The following SSC5D variants were observed in gnomAD, a reference collection of about 807,000 sequenced individuals.
SSC5D encodes soluble scavenger receptor cysteine-rich domain-containing protein SSC5D.
A neutral mutation model predicts 104.6 loss-of-function variants in SSC5D; 106 were observed. The observed-to-expected ratio is 1.01, with a 90% CI of 0.87 to 1.19. The LOEUF (loss-of-function observed/expected upper bound fraction) is 1.19, where lower values mean the gene tolerates loss of function less well. SSC5D is among the 50% of genes most tolerant of loss of function. The probability of loss-of-function intolerance (pLI) is 0.00; values close to 1 mark genes in which losing one functional copy is unlikely to be tolerated. For missense variants in SSC5D, 1,993 were observed against 2,153.8 expected (o/e 0.93, Z 1.48); for synonymous variants, 860 against 883.5 (o/e 0.97, Z 0.47).
intron 3 of SSC5D, 51 bp downstream of exon 3, chr19:55,489,713 C>A: frequency 6.6e-7 from 1 of 1,514,900 alleles, no homozygotes; most frequent in South Asian, 1.2e-5. Flanking sequence ...GGAGATGACC[C>A]AGGAACCCCA....
chr19:55,500,401 C>G lies in SSC5D; in HGVS notation c.2291C>G (p.Thr764Ser), dbSNP rs1365819589. The G allele has an allele frequency of 2.6e-6, 4 of 1,550,614 alleles. No individual in the cohort carries two copies. The highest frequency in any genetic ancestry group is 2.6e-6 in the Non-Finnish European group (3 of 1,146,322). Residue 764 changes from threonine (T) to serine (S), a missense_variant, in exon 10 of 14, where the codon ACT becomes AGT. Coordinates refer to ENST00000389623, the MANE Select transcript of SSC5D (RefSeq NM_001144950.2). This position sits in a 1 kb window ranked among gnomAD's most constrained non-coding sequence, Gnocchi z 4.6. ...DPAPSPSVST[T>S]GESGLFRVRL... ...GCCCCCTCTCCCAGTGTTAGCACCA[C>G]TGGGGAATCAGGTGAGTGGCCGTGA...
At chr19:55,509,812 T>C (rs1390834547) in intron 12 of SSC5D, among the ~76,000 whole-genome samples, 8 of 120,688 alleles carry the variant, frequency 6.6e-5, no homozygotes. Flanking sequence ...TGAGCCGAGA[T>C]CTTGCCATTG....
Position 55,490,344 on chromosome 19 carries a change from C to A in SSC5D, c.522C>A (p.Ser174Arg). 2 of 1,499,774 alleles carry A rather than the reference C, an allele frequency of 1.3e-6. No homozygotes were observed. Among genetic ancestry groups the A allele is most frequent in the Non-Finnish European group, 1.8e-6 (2 of 1,106,324 alleles). The allele number at this position is 1,499,774 out of a possible 1,614,324, so 92.9% of individuals were successfully genotyped here. A position where few individuals can be genotyped will look rare whatever the true frequency, so the allele number is the denominator to read the frequency against. The change falls in exon 5 of 14, where the codon AGC becomes AGA. Residue 174 changes from serine (S) to arginine (R), a missense_variant. Ser to Arg is a moderately radical substitution (Grantham distance 110). Transcript: ENST00000389623. ...CCCAGAACGCCTCCCGGAAGAAGAG[C>A]CCCCGGCCCAAGCAGGCCAAGTCCA... ...GNPQNASRKK[S>R]PRPKQAKSTR... is the part of the protein sequence containing the mutation.
At chr19:55,496,172 A>G (rs1193430195) in intron 8 of SSC5D, among the ~76,000 whole-genome samples, 2 of 152,096 alleles carry the variant, frequency 1.3e-5, no homozygotes, top group African/African-American at 4.8e-5. Context: ...GTCCTTAGTC[A>G]TCTGGTACTT....
chr19:55,516,255 T>C (rs909437954), intron 13 of SSC5D, among the ~76,000 whole-genome samples: 2 of 151,808 alleles, frequency 1.3e-5, no homozygotes, highest in African/African-American at 4.8e-5. Context: ...CCCAGCACTT[T>C]GGGAGGCCCA....
At chr19:55,495,228 T>C (rs1245237991) in intron 8 of SSC5D, among the ~76,000 whole-genome samples, 2 of 34,710 alleles carry the variant, frequency 5.8e-5, no homozygotes, top group African/African-American at 1.0e-4. Context: ...TATATATATA[T>C]ATATATTTTT....
intron 12 of SSC5D, chr19:55,504,053 G>A (rs1987580539): frequency 2.7e-6 from 4 of 1,490,346 alleles, no homozygotes; most frequent in Non-Finnish European, 3.6e-6. Context: ...AGGCCCTAGA[G>A]GCGCCGTGAC....
chr19:55,503,828 T>TC lies in SSC5D; in HGVS notation c.2785+2628dup, dbSNP rs1048064248. Among the ~76,000 whole-genome samples the TC allele has an allele frequency of 1.2e-4, 18 of 149,690 alleles. No homozygotes were observed. The highest frequency in any genetic ancestry group is 2.1e-4 in the Non-Finnish European group (14 of 67,428). On this transcript the variant is annotated intron_variant, in intron 12 of 13. Coordinates refer to ENST00000389623, the MANE Select transcript of SSC5D (RefSeq NM_001144950.2). This position sits in a 1 kb window ranked among gnomAD's most constrained non-coding sequence, Gnocchi z 4.0. The stretch of plus-strand genomic sequence containing the variant: ...AGCGTCCTTTCCCGCCTTTTTTTTT[T>TC]CTGGCGCTCAGCACGCATGCGCAGG...
At chr19:55,495,232 T>A (rs948777582) in intron 8 of SSC5D, among the ~76,000 whole-genome samples, 1 of 41,084 alleles carries the variant, frequency 2.4e-5, no homozygotes, top group East Asian at 6.8e-4. Flanking sequence ...TATATATATA[T>A]ATTTTTTTTT....
chr19:55,493,790 G>T lies in SSC5D; in HGVS notation c.1091G>T (p.Gly364Val), dbSNP rs1356940684. 2.6e-6 allele frequency: 4 copies of T among 1,548,330 alleles called. No homozygotes were observed. The highest frequency in any genetic ancestry group is 3.9e-5 in the Admixed American group (2 of 50,890). ...GGCGCCTTCTTTGGGGAGGGGTCTG[G>T]ACCCATCATCCTGGACGACCTTCGG... is the stretch of plus-strand genomic sequence containing the variant. ...PGGAFFGEGSGPIILDDLRCR... is the reference protein window; with the variant it reads ...PGGAFFGEGSVPIILDDLRCR... Residue 364 changes from glycine (G) to valine (V), a missense_variant, in exon 7 of 14, where the codon GGA becomes GTA. Gly to Val is a moderately radical substitution (Grantham distance 109). Around this residue, in one of 6 missense-constraint regions of SSC5D, gnomAD observed 1,101 missense variants for 1,085.0 expected, o/e 1.01. Coordinates refer to ENST00000389623, the MANE Select transcript of SSC5D (RefSeq NM_001144950.2).
Position 55,489,992 on chromosome 19 carries a change from C to T in SSC5D, c.472C>T (p.His158Tyr), listed in dbSNP as rs1443891071. 1.5e-5 allele frequency: 23 copies of T among 1,548,132 alleles called. No homozygotes were observed. Among genetic ancestry groups the T allele is most frequent in the Non-Finnish European group, 1.9e-5 (22 of 1,146,094 alleles). Residue 158 changes from histidine (H) to tyrosine (Y), a missense_variant, in exon 4 of 14, where the codon CAT (histidine) becomes TAT (tyrosine). His to Tyr is a moderately conservative substitution (Grantham distance 83). Coordinates refer to ENST00000389623, the MANE Select transcript of SSC5D (RefSeq NM_001144950.2). ...CAGCACGGAGGAGCCCCTGGTGACACATGGTGAGCCCAGGGGACTGCCCTG... is the reference window on the plus strand; with the variant it reads ...CAGCACGGAGGAGCCCCTGGTGACATATGGTGAGCCCAGGGGACTGCCCTG... ...SPSTEEPLVT[H>Y]APRPAGNPQN...
intron 12 of SSC5D, among the ~76,000 whole-genome samples, chr19:55,506,425 C>T (rs532829433): frequency 1.7e-4 from 20 of 114,348 alleles, no homozygotes; most frequent in African/African-American, 5.8e-4. Flanking sequence ...GACGGAGTCT[C>T]GCTCTGTCGC....
rs185224189 is a variant in SSC5D at position 55,500,226 on chromosome 19, C to T, written c.2116C>T (p.Arg706Ter). ...TGCCACGCTGACCCCTCAGGCCCCC[C>T]GAGAACGGACCACTAAGACCATGGC... ...TTATLTPQAP[R>*]ERTTKTMAML... Residue 706 changes from arginine to a stop codon, truncating the protein, a stop_gained, in exon 10 of 14, where the codon CGA becomes TGA. Transcript: ENST00000389623. LOFTEE classifies it high-confidence loss of function. The surrounding 1 kb of genome is among the most constrained non-coding windows in gnomAD (Gnocchi z 4.6). The T allele has an allele frequency of 2.7e-5, 42 of 1,551,546 alleles. No individual in the cohort carries two copies. Among genetic ancestry groups the T allele is most frequent in the Middle Eastern group, 1.7e-4 (1 of 5,992 alleles).
chr19:55,499,609 G>A (rs1987415542), intron 9 of SSC5D, among the ~76,000 whole-genome samples: 1 of 152,232 alleles, frequency 6.6e-6, no homozygotes, highest in Non-Finnish European at 1.5e-5. Flanking sequence ...CGGGGGCAGT[G>A]TCGGGTTTGG....
intron 12 of SSC5D, among the ~76,000 whole-genome samples, chr19:55,509,684 C>T (rs1987711280): frequency 6.6e-6 from 1 of 150,902 alleles, no homozygotes; most frequent in African/African-American, 2.4e-5. Flanking sequence ...TGGTTAAACA[C>T]TGTCTCTACT....
In SSC5D at chr19:55,518,332, C is replaced by T; in HGVS notation, c.4056C>T (p.Pro1352=). 1.3e-6 allele frequency: 2 copies of T among 1,551,296 alleles called. No individual in the cohort carries two copies. The highest frequency in any genetic ancestry group is 2.4e-5 in the South Asian group (2 of 84,038). The part of the protein sequence containing the change: ...PTSLGTELSS[P]TLAPTVKPSL... Reference sequence around the variant, plus strand: ...CCTTGGGGACAGAACTCTCCTCTCCCACTCTAGCACCAACAGTCAAGCCCA... The same window carrying T: ...CCTTGGGGACAGAACTCTCCTCTCCTACTCTAGCACCAACAGTCAAGCCCA... Residue 1352 remains proline (P), a synonymous_variant, in exon 14 of 14, where the codon CCC becomes CCT. Transcript: ENST00000389623.
intron 8 of SSC5D, 75 bp from the exon 9 acceptor site, chr19:55,497,805 A>G: frequency 7.6e-7 from 1 of 1,308,626 alleles, no homozygotes; most frequent in Non-Finnish European, 1.0e-6. Flanking sequence ...AGATGGGGGG[A>G]GGGAAAGGTG....
chr19:55,504,089 GAGTT>G (rs1277541935), intron 12 of SSC5D: 6 of 1,533,388 alleles, frequency 3.9e-6, no homozygotes, highest in Non-Finnish European at 5.2e-6. Context: ...CTCCAGCTGT[GAGTT>G]AGAGCTATCA....
In SSC5D at chr19:55,493,853, C is replaced by G. The variant is rs1292673024; in HGVS notation, c.1154C>G (p.Ala385Gly). The change falls in exon 7 of 14, where the codon GCT (alanine) becomes GGT (glycine). Residue 385 changes from alanine to glycine, a missense_variant. Physicochemically the swap from Ala to Gly is moderately conservative, Grantham distance 60. This residue lies in a region of SSC5D where 1,101 missense variants were observed against 1,085.0 expected (regional missense o/e 1.01). Transcript: ENST00000389623. ...GNETALRFCP[A>G]RPWGQHDCHH... Reference sequence around the variant, plus strand: ...GAGACGGCCTTACGATTCTGCCCAGCTCGGCCCTGGGGCCAGCATGACTGT... The same window carrying G: ...GAGACGGCCTTACGATTCTGCCCAGGTCGGCCCTGGGGCCAGCATGACTGT... 2 of 1,549,250 alleles carry G rather than the reference C, an allele frequency of 1.3e-6. No individual in the cohort carries two copies. The highest frequency in any genetic ancestry group is 1.4e-5 in the African/African-American group (1 of 72,974).
Sources: gnomAD v4.1 joint callset for allele counts (sites outside exome capture counted in the v4.1 genomes callset) on GRCh38, gnomAD v4.1.1 for gene constraint, gnomAD v4.1.1 regional missense constraint, Gnocchi (gnomAD v3.1) non-coding constraint, MANE v1.5 for transcripts, NCBI Gene and HGNC (gene_info 2026-07-23, HGNC 2026-07-21) for gene names.